Variants in KCNH8 observed in about 807,000 individuals in gnomAD.
KCNH8 encodes the protein potassium voltage-gated channel subfamily H member 8.
In KCNH8, 70 loss-of-function variants were observed where a neutral mutation model predicts 103.6. The ratio of observed to expected loss-of-function variants is 0.68; its 90% CI spans 0.56 to 0.82. The LOEUF (loss-of-function observed/expected upper bound fraction) is 0.82, where lower values mean the gene tolerates loss of function less well. KCNH8 is among the 40% of genes least tolerant of loss of function. The probability of loss-of-function intolerance (pLI) is 0.00; values close to 1 mark genes in which losing one functional copy is unlikely to be tolerated. For synonymous variants in KCNH8, 498 were observed against 489.4 expected (o/e 1.02, Z -0.23); for missense variants, 1,217 against 1,329.9 (o/e 0.92, Z 1.32).
intron 5 of KCNH8, among the ~76,000 whole-genome samples, chr3:19,383,651 G>A (rs537907067): frequency 6.6e-6 from 1 of 152,148 alleles, no homozygotes; most frequent in African/African-American, 2.4e-5. Flanking sequence ...GGGATTACAG[G>A]TGTGAGCCAA....
chr3:19,489,456 G>T (rs1186791261), intron 11 of KCNH8, among the ~76,000 whole-genome samples: 1 of 152,074 alleles, frequency 6.6e-6, no homozygotes, highest in Non-Finnish European at 1.5e-5. Flanking sequence ...ATTGATACGG[G>T]AATTGATCTG....
At chr3:19,519,668 C>CA (rs920299630) in intron 15 of KCNH8, among the ~76,000 whole-genome samples, 30 of 151,150 alleles carry the variant, frequency 2.0e-4, no homozygotes, top group East Asian at 9.8e-4. Flanking sequence ...AAAAACAAAA[C>CA]AAAAAAAACA....
intron 11 of KCNH8, among the ~76,000 whole-genome samples, chr3:19,461,255 A>G (rs1186504732): frequency 1.3e-5 from 2 of 152,148 alleles, no homozygotes; most frequent in African/African-American, 4.8e-5. Flanking sequence ...TTATCCCTCA[A>G]AACTTCTATT....
chr3:19,187,321 G>A (rs1175178532), intron 1 of KCNH8, among the ~76,000 whole-genome samples: 2 of 151,664 alleles, frequency 1.3e-5, no homozygotes, highest in East Asian at 1.9e-4. Flanking sequence ...GATATGCATA[G>A]ATATATATAT....
intron 3 of KCNH8, among the ~76,000 whole-genome samples, chr3:19,293,195 A>G (rs1346063114): frequency 2.0e-5 from 3 of 152,116 alleles, no homozygotes; most frequent in Non-Finnish European, 4.4e-5. Flanking sequence ...CTGTGCAGAG[A>G]TGGAGACAGG....
chr3:19,488,528 G>C (rs2068257456), intron 11 of KCNH8, among the ~76,000 whole-genome samples: 1 of 152,126 alleles, frequency 6.6e-6, no homozygotes, highest in African/African-American at 2.4e-5. Context: ...AGGGCTATTT[G>C]GATCAAAAGG....
At chr3:19,225,594 T>C (rs1402654110) in intron 1 of KCNH8, among the ~76,000 whole-genome samples, 1 of 152,082 alleles carries the variant, frequency 6.6e-6, no homozygotes, top group African/African-American at 2.4e-5. Flanking sequence ...ATATTTGCCC[T>C]TCATATAAAA....
chr3:19,359,036 A>G (rs558917461), intron 5 of KCNH8, among the ~76,000 whole-genome samples: 19 of 152,044 alleles, frequency 1.2e-4, no homozygotes, highest in African/African-American at 4.1e-4. Flanking sequence ...AAATCAAGAT[A>G]TATGACAAAT....
In KCNH8 at chr3:19,239,158, T is replaced by C. The variant is rs1411123420; in HGVS notation, c.77-14496T>C. 2.6e-5 allele frequency among the ~76,000 whole-genome samples: 4 copies of C among 152,286 alleles called. No individual in the cohort carries two copies. In the South Asian group the frequency reaches 8.3e-4, roughly 32 times the overall value. ...TCAGTGGTTTAAACAAATAGGACTTTTTTTTTCACCTAATAAAACATCTGG... is the reference window on the plus strand; with the variant it reads ...TCAGTGGTTTAAACAAATAGGACTTCTTTTTTCACCTAATAAAACATCTGG... On this transcript the variant is annotated intron_variant, in intron 1 of 15. Coordinates refer to ENST00000328405, the MANE Select transcript of KCNH8 (RefSeq NM_144633.3).
At chr3:19,297,018 A>G (rs1171491739) in intron 3 of KCNH8, among the ~76,000 whole-genome samples, 1 of 152,184 alleles carries the variant, frequency 6.6e-6, no homozygotes, top group African/African-American at 2.4e-5. Flanking sequence ...AGGTGGAAAA[A>G]CATACATATC....
chr3:19,480,441 T>C (rs1295795351), intron 11 of KCNH8, among the ~76,000 whole-genome samples: 2 of 152,130 alleles, frequency 1.3e-5, no homozygotes, highest in Non-Finnish European at 2.9e-5. Flanking sequence ...ATAGATGAAA[T>C]AAATCAAAGG....
At chr3:19,150,613 A>T (rs1455592914) in intron 1 of KCNH8, among the ~76,000 whole-genome samples, 3 of 152,156 alleles carry the variant, frequency 2.0e-5, no homozygotes, top group African/African-American at 7.2e-5. Context: ...GACTATAGTG[A>T]TATGCATGAT....
rs1386175427 is a variant in KCNH8 at position 19,363,092 on chromosome 3, A to T, written c.811+15127A>T. On this transcript the variant is annotated intron_variant, in intron 5 of 15. Transcript: ENST00000328405. ...CTTTCAGGAACACAAGTGTCTGAGG[A>T]TTCATTTACTACTTAAAGGAGCGGA... Among the ~76,000 whole-genome samples, 5 of 152,150 alleles carry T rather than the reference A, an allele frequency of 3.3e-5. No individual in the cohort carries two copies. The East Asian group carries it at 9.7e-4, about 29-fold the overall frequency.
At chr3:19,396,413 A>C (rs2066518981) in intron 7 of KCNH8, among the ~76,000 whole-genome samples, 1 of 152,046 alleles carries the variant, frequency 6.6e-6, no homozygotes, top group East Asian at 1.9e-4. Context: ...GGTGGAAGGG[A>C]ATAAGCTCCT....
At chr3:19,179,053 A>G (rs1018252206) in intron 1 of KCNH8, among the ~76,000 whole-genome samples, 2 of 152,054 alleles carry the variant, frequency 1.3e-5, no homozygotes, top group South Asian at 2.1e-4. Flanking sequence ...GAGAAAGGAT[A>G]TATTTTTAGT....
At chr3:19,421,915 T>A (rs1305537448) in intron 7 of KCNH8, among the ~76,000 whole-genome samples, 1 of 152,248 alleles carries the variant, frequency 6.6e-6, no homozygotes, top group Middle Eastern at 3.4e-3. Flanking sequence ...TAATCAATTT[T>A]ACCATGCTCT....
intron 3 of KCNH8, among the ~76,000 whole-genome samples, chr3:19,333,466 A>T (rs1390579065): frequency 6.6e-6 from 1 of 152,122 alleles, no homozygotes; most frequent in East Asian, 1.9e-4. Flanking sequence ...TATTGTTTTT[A>T]AATTTCTGCA....
chr3:19,309,348 G>A (rs2065180757), intron 3 of KCNH8, among the ~76,000 whole-genome samples: 1 of 151,912 alleles, frequency 6.6e-6, no homozygotes, highest in African/African-American at 2.4e-5. Flanking sequence ...TATCAAACTT[G>A]ACTCTGGAAA....
intron 11 of KCNH8, among the ~76,000 whole-genome samples, chr3:19,488,687 C>G (rs1343251291): frequency 2.0e-5 from 3 of 152,110 alleles, no homozygotes; most frequent in Non-Finnish European, 4.4e-5. Flanking sequence ...AGGATACCAT[C>G]TTAGCCTCCC....
Sources: allele counts gnomAD v4.1 joint callset (sites outside exome capture counted in the v4.1 genomes callset), GRCh38; gene constraint gnomAD v4.1.1; transcripts MANE v1.5; gene names NCBI Gene and HGNC (gene_info 2026-07-23, HGNC 2026-07-21).